RPS6KA6: variants seen among roughly 807,000 people sequenced by gnomAD.
The protein encoded by RPS6KA6 is ribosomal protein S6 kinase A6, also known as ribosomal protein S6 kinase alpha-6.
RPS6KA6 carries 27 observed loss-of-function variants against 65.4 expected under a neutral mutation model. That is an observed-to-expected ratio of 0.41 (90% confidence interval 0.30 to 0.57). RPS6KA6 has a LOEUF of 0.57. Ranked by LOEUF, RPS6KA6 falls within the 20% of genes least tolerant of loss-of-function variation. The pLI is 0.24. For synonymous variants in RPS6KA6, 190 were observed against 184.2 expected (o/e 1.03, Z -0.26); for missense variants, 486 against 555.6 (o/e 0.87, Z 1.26).
chrX:84,091,892 G>A (rs1208403339), intron 20 of RPS6KA6, among the ~76,000 whole-genome samples: 1 of 111,549 alleles, frequency 9.0e-6, no homozygotes, highest in African/African-American at 3.3e-5. Context: ...GGACATGGAT[G>A]GAGCTGGAAG....
intron 1 of RPS6KA6, among the ~76,000 whole-genome samples, chrX:84,176,281 T>C (rs1032924070): frequency 2.7e-5 from 3 of 112,003 alleles, no homozygotes; most frequent in African/African-American, 9.7e-5. Flanking sequence ...GCCAGTCTCA[T>C]ATGGGCTACA....
chrX:84,085,350 A>T (rs908260319), intron 20 of RPS6KA6, among the ~76,000 whole-genome samples: 3 of 111,518 alleles, frequency 2.7e-5, no homozygotes, highest in African/African-American at 9.8e-5. Flanking sequence ...TTATTTTCTT[A>T]ACATTTTGAG....
intron 3 of RPS6KA6, among the ~76,000 whole-genome samples, chrX:84,152,445 T>C (rs751564455): frequency 9.0e-6 from 1 of 111,221 alleles, no homozygotes; most frequent in African/African-American, 3.3e-5. Flanking sequence ...TTCTGCACCA[T>C]TCCAAAAGCT....
Position 84,065,075 on chromosome X carries a change from G to C in RPS6KA6, c.2008C>G (p.Gln670Glu). 1 of 1,201,551 alleles carries C rather than the reference G, an allele frequency of 8.3e-7. No individual in the cohort carries two copies. Among genetic ancestry groups the C allele is most frequent in the Non-Finnish European group, 1.1e-6 (1 of 888,845 alleles). The change falls in exon 21 of 22, where the codon CAG (glutamine) becomes GAG (glutamate). Residue 670 changes from glutamine to glutamate, a missense_variant. Gln to Glu is a conservative substitution (Grantham distance 29). This residue lies in a region of RPS6KA6 where 345 missense variants were observed against 375.0 expected (regional missense o/e 0.92). Coordinates refer to ENST00000262752, the MANE Select transcript of RPS6KA6 (RefSeq NM_014496.5). ...LSHMLHMDPH[Q>E]RYTAEQILKH... ...AATATTTGTTCAGCAGTATACCGCT[G>C]ATGTGGGTCCATATGAAGCATATGG...
rs767601470 is a variant in RPS6KA6 at position 84,097,782 on chromosome X, T to C, written c.1843A>G (p.Met615Val). The C allele has an allele frequency of 1.5e-5, 18 of 1,181,151 alleles. No homozygotes were observed. Among genetic ancestry groups the C allele is most frequent in the Admixed American group, 6.7e-5 (3 of 44,997 alleles). ...ATATATGTTTCTTACCCAGCCAACATTGTGTAAAAAAGGACTCCTAAACTC... is the reference window on the plus strand; with the variant it reads ...ATATATGTTTCTTACCCAGCCAACACTGTGTAAAAAAGGACTCCTAAACTC... ...IWSLGVLFYT[M>V]LAGYTPFANG... The change falls in exon 19 of 22, where the codon ATG becomes GTG. Residue 615 changes from methionine (M) to valine (V), a missense_variant. By Grantham distance (21) the Met-to-Val change is conservative. Coordinates refer to ENST00000262752, the MANE Select transcript of RPS6KA6 (RefSeq NM_014496.5).
chrX:84,080,881 G>C (rs186173275), intron 20 of RPS6KA6, among the ~76,000 whole-genome samples: 58 of 111,206 alleles, frequency 5.2e-4, no homozygotes, highest in Admixed American at 1.3e-3. Context: ...ATGGCTACTG[G>C]GTAAATAATG....
rs1402448228 is a variant in RPS6KA6, at chrX:84,129,824, G to T, written c.646+4958C>A. 2.7e-5 allele frequency among the ~76,000 whole-genome samples: 3 copies of T among 111,224 alleles called. No individual in the cohort carries two copies. The Admixed American group carries it at 2.9e-4, about 11-fold the overall frequency. On this transcript the variant is annotated intron_variant, in intron 8 of 21. Transcript: ENST00000262752. ...TGAACTCATGGAAATAGAGTAGAAG[G>T]ATGGTTACTAGTGGCTGGGAAGGGT...
intron 20 of RPS6KA6, among the ~76,000 whole-genome samples, chrX:84,085,138 T>C (rs757491537): frequency 9.0e-6 from 1 of 111,615 alleles, no homozygotes; most frequent in Non-Finnish European, 1.9e-5. Flanking sequence ...TAAGATCAAG[T>C]CATCTGCAAA....
At chrX:84,119,009 A>T (rs190002768) in intron 9 of RPS6KA6, among the ~76,000 whole-genome samples, 19 of 111,065 alleles carry the variant, frequency 1.7e-4, no homozygotes, top group African/African-American at 5.9e-4. Flanking sequence ...GATCACAATA[A>T]CTCTCCTTCT....
intron 7 of RPS6KA6, 113 bp from the exon 8 acceptor site, chrX:84,134,932 AT>A (rs2034966283): frequency 2.8e-5 from 17 of 615,351 alleles, no homozygotes; most frequent in Admixed American, 4.1e-5. Flanking sequence ...TATGTAAAAA[AT>A]TTAAATGATT....
At chrX:84,178,349 G>A (rs1466678360) in intron 1 of RPS6KA6, among the ~76,000 whole-genome samples, 2 of 111,542 alleles carry the variant, frequency 1.8e-5, no homozygotes, top group Non-Finnish European at 3.8e-5. Context: ...GAATGAGAAA[G>A]TTCACATAAA....
intron 1 of RPS6KA6, among the ~76,000 whole-genome samples, chrX:84,164,625 G>T (rs1396396646): frequency 9.0e-6 from 1 of 111,357 alleles, no homozygotes; most frequent in African/African-American, 3.3e-5. Flanking sequence ...ATATTGTTTA[G>T]AGTTTTGCAA....
intron 10 of RPS6KA6, 115 bp downstream of exon 10, chrX:84,117,269 G>A: frequency 1.6e-6 from 1 of 636,321 alleles, no homozygotes; most frequent in East Asian, 3.7e-5. Context: ...TGGTAGAAGG[G>A]AACAAGACAG....
chrX:84,156,709 C>A (rs963806640), intron 2 of RPS6KA6, among the ~76,000 whole-genome samples: 2 of 111,669 alleles, frequency 1.8e-5, no homozygotes, highest in African/African-American at 6.5e-5. Flanking sequence ...TGTTTCCAGG[C>A]TATGGCCCGT....
At chrX:84,124,643 G>A (rs1429097900) in intron 8 of RPS6KA6, among the ~76,000 whole-genome samples, 1 of 108,883 alleles carries the variant, frequency 9.2e-6, no homozygotes, top group Non-Finnish European at 1.9e-5. Context: ...AAAGAATAAA[G>A]CATGGCTACA....
intron 2 of RPS6KA6, among the ~76,000 whole-genome samples, chrX:84,157,659 C>T (rs756147503): frequency 1.9e-4 from 21 of 110,621 alleles, no homozygotes; most frequent in African/African-American, 6.9e-4. Context: ...AAGGTCCCCT[C>T]AATGTCTGTG....
chrX:84,145,495 T>A lies in RPS6KA6; in HGVS notation c.484A>T (p.Thr162Ser). 8.7e-7 allele frequency: 1 copy of A among 1,146,965 alleles called. No homozygotes were observed. Among genetic ancestry groups the A allele is most frequent in the Non-Finnish European group, 1.2e-6 (1 of 854,458 alleles). 94.5% of individuals were successfully genotyped at this position (1,146,965 alleles called of 1,213,427 possible). The change falls in exon 6 of 22, where the codon ACA becomes TCA. Residue 162 changes from threonine to serine, a missense_variant. Physicochemically the swap from Thr to Ser is moderately conservative, Grantham distance 58. Coordinates refer to ENST00000262752, the MANE Select transcript of RPS6KA6 (RefSeq NM_014496.5). Reference sequence around the variant, plus strand: ...ATACTTACCTCTTTGGATAATCTTGTGAAAACATCTCCTCCCCTGAGAAAA... The same window carrying A: ...ATACTTACCTCTTTGGATAATCTTGAGAAAACATCTCCTCCCCTGAGAAAA... Reference protein sequence around the residue: ...LDFLRGGDVFTRLSKEVLFTE... With the variant: ...LDFLRGGDVFSRLSKEVLFTE...
chrX:84,182,223 G>C (rs1466862716), intron 1 of RPS6KA6, among the ~76,000 whole-genome samples: 1 of 110,699 alleles, frequency 9.0e-6, no homozygotes, highest in East Asian at 2.8e-4. Context: ...GCCAGATTTA[G>C]CTCAGCTCTC....
chrX:84,090,522 G>T (rs1389084301), intron 20 of RPS6KA6, among the ~76,000 whole-genome samples: 1 of 111,863 alleles, frequency 8.9e-6, no homozygotes, highest in Non-Finnish European at 1.9e-5. Flanking sequence ...TGTATAAAGA[G>T]GTTTAATTGA....
Sources: allele counts gnomAD v4.1 joint callset (sites outside exome capture counted in the v4.1 genomes callset), GRCh38; gene constraint gnomAD v4.1.1; regional missense constraint gnomAD v4.1.1; transcripts MANE v1.5; gene names NCBI Gene and HGNC (gene_info 2026-07-23, HGNC 2026-07-21).